KCNH7: variants seen among roughly 807,000 people sequenced by gnomAD.
KCNH7 encodes the protein potassium voltage-gated channel subfamily H member 7.
In KCNH7, 49 loss-of-function variants were observed where a neutral mutation model predicts 120.8. The observed-to-expected ratio is 0.41, with a 90% CI of 0.32 to 0.51. The LOEUF is 0.51. KCNH7 is among the 20% of genes least tolerant of loss of function. The pLI is 0.38. For missense variants in KCNH7, 1,097 were observed against 1,446.6 expected (o/e 0.76, Z 3.92); for synonymous variants, 547 against 516.1 (o/e 1.06, Z -0.81).
At chr2:162,644,748 G>T (rs1015766258) in intron 2 of KCNH7, among the ~76,000 whole-genome samples, 12 of 152,078 alleles carry the variant, frequency 7.9e-5, no homozygotes, top group African/African-American at 2.7e-4. Flanking sequence ...GACACTAATT[G>T]CTTTCCTCAG....
intron 2 of KCNH7, among the ~76,000 whole-genome samples, chr2:162,805,015 G>C (rs568865780): frequency 6.6e-6 from 1 of 152,040 alleles, no homozygotes; most frequent in Non-Finnish European, 1.5e-5. Flanking sequence ...ATGGTGCTGG[G>C]AAAACTGGCT....
intron 6 of KCNH7, among the ~76,000 whole-genome samples, chr2:162,482,962 C>T (rs929022714): frequency 1.1e-4 from 16 of 152,078 alleles, no homozygotes; most frequent in African/African-American, 3.9e-4. Flanking sequence ...ACTGAAAATT[C>T]TTGGAACTAT....
In KCNH7 at chr2:162,378,988, G is replaced by A. The variant is rs369109153; in HGVS notation, c.3131+865C>T. On this transcript the variant is annotated intron_variant, in intron 14 of 15. Transcript: ENST00000332142. ...TGAACATTGTGTAAGTCAGAATTGG[G>A]GTAGTGCAATCCTTTTACCATGCTT... Among the ~76,000 whole-genome samples the A allele has an allele frequency of 2.4e-4, 36 of 152,156 alleles. 1 individual carries two copies. The highest frequency in any genetic ancestry group is 7.7e-4 in the African/African-American group (32 of 41,440).
chr2:162,444,627 C>T (rs1176015527), intron 7 of KCNH7, among the ~76,000 whole-genome samples: 1 of 152,132 alleles, frequency 6.6e-6, no homozygotes, highest in Non-Finnish European at 1.5e-5. Flanking sequence ...CATTATACTT[C>T]TAAGCTTGTC....
At chr2:162,813,120 G>A (rs1169771770) in intron 2 of KCNH7, among the ~76,000 whole-genome samples, 3 of 152,146 alleles carry the variant, frequency 2.0e-5, no homozygotes, top group African/African-American at 7.2e-5. Flanking sequence ...AAGTCAGATA[G>A]AACAAAGACT....
At chr2:162,373,894 A>G (rs534358232) in intron 14 of KCNH7, among the ~76,000 whole-genome samples, 2 of 152,342 alleles carry the variant, frequency 1.3e-5, no homozygotes, top group African/African-American at 4.8e-5. Context: ...TTAACAGAAA[A>G]TCAAATGAAC....
At chr2:162,582,343 C>T (rs1291433132) in intron 2 of KCNH7, among the ~76,000 whole-genome samples, 1 of 152,034 alleles carries the variant, frequency 6.6e-6, no homozygotes, top group Non-Finnish European at 1.5e-5. Flanking sequence ...TTATCCCATA[C>T]TCTTTTATAT....
chr2:162,495,500 T>C (rs1202547069), intron 6 of KCNH7, among the ~76,000 whole-genome samples: 1 of 152,194 alleles, frequency 6.6e-6, no homozygotes, highest in Non-Finnish European at 1.5e-5. Context: ...TTTAAAAGCC[T>C]ATGTTAAATA....
chr2:162,729,088 T>C (rs1412858867), intron 2 of KCNH7, among the ~76,000 whole-genome samples: 3 of 151,984 alleles, frequency 2.0e-5, no homozygotes, highest in Admixed American at 6.6e-5. Flanking sequence ...TTGGCCCATA[T>C]ATATGTACAT....
intron 6 of KCNH7, among the ~76,000 whole-genome samples, chr2:162,481,207 C>A (rs1689920417): frequency 6.6e-6 from 1 of 152,118 alleles, no homozygotes; most frequent in Admixed American, 6.6e-5. Flanking sequence ...CCACTGTAAC[C>A]AGAGTTTGTG....
intron 2 of KCNH7, among the ~76,000 whole-genome samples, chr2:162,754,284 G>T (rs1688711756): frequency 6.6e-6 from 1 of 151,956 alleles, no homozygotes; most frequent in Non-Finnish European, 1.5e-5. Flanking sequence ...TAGTAGAAAT[G>T]AGAAAAGGAA....
chr2:162,452,842 A>T (rs1688816220), intron 6 of KCNH7, among the ~76,000 whole-genome samples: 1 of 152,038 alleles, frequency 6.6e-6, no homozygotes. Flanking sequence ...GTTTAATGTC[A>T]TTTTAATAAA....
intron 6 of KCNH7, among the ~76,000 whole-genome samples, chr2:162,470,477 C>T (rs1689477212): frequency 6.6e-6 from 1 of 151,940 alleles, no homozygotes; most frequent in Non-Finnish European, 1.5e-5. Context: ...CCGGCAGCCG[C>T]CCTGTCTGAG....
At chr2:162,745,254 G>T (rs957060448) in intron 2 of KCNH7, among the ~76,000 whole-genome samples, 1 of 152,084 alleles carries the variant, frequency 6.6e-6, no homozygotes, top group Admixed American at 6.6e-5. Context: ...GCCATTTGTC[G>T]ATTCAATCTC....
intron 2 of KCNH7, among the ~76,000 whole-genome samples, chr2:162,801,904 G>A (rs950116325): frequency 6.6e-6 from 1 of 151,690 alleles, no homozygotes; most frequent in Non-Finnish European, 1.5e-5. Flanking sequence ...CCTGGAGTTT[G>A]TTATTAACTA....
intron 8 of KCNH7, among the ~76,000 whole-genome samples, chr2:162,427,218 C>T (rs1339720787): frequency 6.6e-6 from 1 of 152,020 alleles, no homozygotes; most frequent in Non-Finnish European, 1.5e-5. Flanking sequence ...CTTATATTTT[C>T]ATTTCCCTTT....
At chr2:162,600,190 G>C (rs1694505817) in intron 2 of KCNH7, among the ~76,000 whole-genome samples, 1 of 152,016 alleles carries the variant, frequency 6.6e-6, no homozygotes, top group Admixed American at 6.6e-5. Context: ...CACCTGTTAT[G>C]AGCTTAGGGG....
At chr2:162,654,573 T>C (rs1684678750) in intron 2 of KCNH7, among the ~76,000 whole-genome samples, 2 of 152,026 alleles carry the variant, frequency 1.3e-5, no homozygotes. Flanking sequence ...ACAACCATTA[T>C]AAAAAATGGT....
intron 6 of KCNH7, among the ~76,000 whole-genome samples, chr2:162,482,075 A>G (rs1689948368): frequency 6.6e-6 from 1 of 152,102 alleles, no homozygotes; most frequent in Non-Finnish European, 1.5e-5. Flanking sequence ...AAGAAACACA[A>G]AGCAGTATGG....
Sources: allele counts gnomAD v4.1 joint callset (sites outside exome capture counted in the v4.1 genomes callset), GRCh38; gene constraint gnomAD v4.1.1; transcripts MANE v1.5; gene names NCBI Gene and HGNC (gene_info 2026-07-23, HGNC 2026-07-21).